Variants in CFAP299 observed in about 807,000 individuals in gnomAD.
The protein encoded by CFAP299 is cilia and flagella associated protein 299.
Under a neutral mutation model 27.0 loss-of-function variants are expected in CFAP299, and 21 were observed. The ratio of observed to expected loss-of-function variants is 0.78; its 90% CI spans 0.55 to 1.12. The LOEUF (loss-of-function observed/expected upper bound fraction) is 1.12, where lower values mean the gene tolerates loss of function less well. CFAP299 is among the 50% of genes most tolerant of loss of function. The pLI is 0.00. For missense variants in CFAP299, 310 were observed against 276.6 expected (o/e 1.12, Z -0.86); for synonymous variants, 104 against 98.1 (o/e 1.06, Z -0.36).
chr4:80,388,370 T>C lies in CFAP299; in HGVS notation c.242+25486T>C, dbSNP rs1023396412. On this transcript the variant is annotated intron_variant, in intron 2 of 5. Coordinates refer to ENST00000358105, the MANE Select transcript of CFAP299 (RefSeq NM_152770.3). Reference sequence around the variant, plus strand: ...GGGCACTGTGATGTATGTAGAGATCTGGCAATTGGCAGGAGGCGAGGCCTG... The same window carrying C: ...GGGCACTGTGATGTATGTAGAGATCCGGCAATTGGCAGGAGGCGAGGCCTG... 1.0e-5 allele frequency: 7 copies of C among 680,700 alleles called. No homozygotes were observed. In the African/African-American group the frequency reaches 1.1e-4, roughly 10 times the overall value. 42.2% of individuals were successfully genotyped at this position (680,700 alleles called of 1,614,324 possible).
chr4:80,722,968 CAGAT>C (rs1417240334), intron 3 of CFAP299, among the ~76,000 whole-genome samples: 2 of 152,004 alleles, frequency 1.3e-5, no homozygotes, highest in Non-Finnish European at 1.5e-5. Context: ...CCAAAGAAGA[CAGAT>C]GGATGGCAAT....
intron 3 of CFAP299, among the ~76,000 whole-genome samples, chr4:80,861,174 A>G (rs1187801667): frequency 6.6e-6 from 1 of 152,148 alleles, no homozygotes; most frequent in South Asian, 2.1e-4. Flanking sequence ...CTGCTATGCT[A>G]GCAATCAGCG....
At chr4:80,831,210 G>A (rs994516952) in intron 3 of CFAP299, among the ~76,000 whole-genome samples, 1 of 151,992 alleles carries the variant, frequency 6.6e-6, no homozygotes, top group African/African-American at 2.4e-5. Context: ...TACTGGAAAT[G>A]GATATTATAT....
intron 3 of CFAP299, among the ~76,000 whole-genome samples, chr4:80,783,444 T>A (rs887877410): frequency 6.6e-6 from 1 of 152,132 alleles, no homozygotes; most frequent in African/African-American, 2.4e-5. Context: ...CAGCAATTCG[T>A]CCAAGGTAGC....
chr4:80,531,607 A>G (rs1733468552), intron 2 of CFAP299, among the ~76,000 whole-genome samples: 2 of 152,326 alleles, frequency 1.3e-5, no homozygotes, highest in South Asian at 4.1e-4. Context: ...CACCTATTCA[A>G]TATCCATTAT....
At chr4:80,335,596 GTT>G (rs1266723459), upstream of CFAP299, 2 of 620,900 alleles carry the variant, frequency 3.2e-6, no homozygotes, top group Non-Finnish European at 5.8e-6. Flanking sequence ...ATTCCAGAAA[GTT>G]TTCACAGGAG....
intron 3 of CFAP299, among the ~76,000 whole-genome samples, chr4:80,783,723 T>C (rs1381531178): frequency 6.6e-6 from 1 of 152,200 alleles, no homozygotes; most frequent in Non-Finnish European, 1.5e-5. Flanking sequence ...ACCCATTTTT[T>C]GTTTTTAGGA....
chr4:80,928,453 A>T (rs990796870), intron 4 of CFAP299, among the ~76,000 whole-genome samples: 1 of 152,130 alleles, frequency 6.6e-6, no homozygotes, highest in Non-Finnish European at 1.5e-5. Context: ...CTAGAAATTT[A>T]TCCACAGATA....
chr4:80,866,820 G>T (rs1475990990), intron 3 of CFAP299, among the ~76,000 whole-genome samples: 1 of 152,140 alleles, frequency 6.6e-6, no homozygotes, highest in African/African-American at 2.4e-5. Context: ...TCAGGGAAAA[G>T]GGGATTTAAC....
At position 80,487,610 on chromosome 4, in the gene CFAP299, T is replaced by C. The variant is rs928594261; in HGVS notation, c.243-95483T>C. On this transcript the variant is annotated intron_variant, in intron 2 of 5. Transcript: ENST00000358105. ...TGGTTATTAACATCAGCAAGGATTA[T>C]TCAAGAGGTTTAGGGAGATCAAGCT... Among the ~76,000 whole-genome samples, 4 of 152,300 alleles carry C rather than the reference T, an allele frequency of 2.6e-5. No homozygotes were observed. The South Asian group carries it at 8.3e-4, about 32-fold the overall frequency.
At chr4:80,721,508 A>T (rs1722810019) in intron 3 of CFAP299, among the ~76,000 whole-genome samples, 1 of 152,140 alleles carries the variant, frequency 6.6e-6, no homozygotes, top group African/African-American at 2.4e-5. Flanking sequence ...CAGTTATGTT[A>T]GATCAGGGCC....
chr4:80,696,368 G>T (rs1721094542), intron 3 of CFAP299, among the ~76,000 whole-genome samples: 1 of 151,578 alleles, frequency 6.6e-6, no homozygotes, highest in African/African-American at 2.4e-5. Flanking sequence ...TGAGTCATTT[G>T]TTCAGAGAAT....
At chr4:80,508,107 G>C (rs1257911564) in intron 2 of CFAP299, among the ~76,000 whole-genome samples, 1 of 152,078 alleles carries the variant, frequency 6.6e-6, no homozygotes, top group Non-Finnish European at 1.5e-5. Flanking sequence ...TTACTGAAAA[G>C]GTGTTATTTC....
intron 3 of CFAP299, among the ~76,000 whole-genome samples, chr4:80,677,109 C>T (rs988367710): frequency 6.6e-6 from 1 of 151,964 alleles, no homozygotes; most frequent in Non-Finnish European, 1.5e-5. Context: ...CTTAGCACTG[C>T]TCTTACTGTA....
intron 2 of CFAP299, among the ~76,000 whole-genome samples, chr4:80,484,317 T>C (rs1374746728): frequency 6.6e-6 from 1 of 152,134 alleles, no homozygotes; most frequent in African/African-American, 2.4e-5. Context: ...TTCAGAACAT[T>C]TTCTTGATGA....
chr4:80,882,503 T>G (rs1207075015), intron 4 of CFAP299, among the ~76,000 whole-genome samples: 2 of 152,030 alleles, frequency 1.3e-5, no homozygotes, highest in Non-Finnish European at 1.5e-5. Flanking sequence ...CCGGGCGCGG[T>G]GGCAGGCGCC....
intron 5 of CFAP299, among the ~76,000 whole-genome samples, chr4:80,952,466 G>A (rs76696901): frequency 0.027 from 4,134 of 152,164 alleles, 207 homozygotes; most frequent in African/African-American, 0.094. Context: ...AGGAACTTTC[G>A]AGAGTAAATG....
intron 2 of CFAP299, among the ~76,000 whole-genome samples, chr4:80,515,553 A>T (rs949277021): frequency 6.6e-6 from 1 of 152,184 alleles, no homozygotes; most frequent in African/African-American, 2.4e-5. Context: ...TTTAGTTTAC[A>T]TGCCAACAAT....
chr4:80,627,460 A>G (rs1254342158), intron 3 of CFAP299, among the ~76,000 whole-genome samples: 1 of 152,052 alleles, frequency 6.6e-6, no homozygotes, highest in East Asian at 1.9e-4. Flanking sequence ...AACCACTTCC[A>G]TTCAATATAG....
Sources: allele counts gnomAD v4.1 joint callset (sites outside exome capture counted in the v4.1 genomes callset), GRCh38; gene constraint gnomAD v4.1.1; transcripts MANE v1.5; gene names NCBI Gene and HGNC (gene_info 2026-07-23, HGNC 2026-07-21).